GORASP1: variants seen among roughly 807,000 people sequenced by gnomAD.
GORASP1 encodes Golgi reassembly-stacking protein 1.
In GORASP1, 31 loss-of-function variants were observed where a neutral mutation model predicts 37.7. The ratio of observed to expected loss-of-function variants is 0.82; its 90% confidence interval spans 0.62 to 1.11. The LOEUF (loss-of-function observed/expected upper bound fraction) is 1.11, where lower values mean the gene tolerates loss of function less well. Among genes scored for constraint, GORASP1 ranks in the 50% least tolerant of loss-of-function variants. The pLI is 0.00. For missense variants in GORASP1, 476 were observed against 560.7 expected, an observed-to-expected ratio of 0.85 and a Z score of 1.53; for synonymous variants, 204 against 224.8, an observed-to-expected ratio of 0.91 and a Z score of 0.83.
chr3:39,101,136 A>T, intron 3 of GORASP1, 34 bp from the exon 4 acceptor site: 1 of 1,600,576 alleles, frequency 6.2e-7, no homozygotes, highest in Non-Finnish European at 8.6e-7. Flanking sequence ...TGGCCATGCT[A>T]CTAGAGGTGG....
At chr3:39,101,335 G>C (rs2035696093) in intron 3 of GORASP1, 1 of 605,482 alleles carries the variant, frequency 1.7e-6, no homozygotes, top group Non-Finnish European at 3.0e-6. Flanking sequence ...ACCAGGCTCT[G>C]GAATCTGACC....
Position 39,098,586 on chromosome 3 carries a change from AG to A in GORASP1, c.1070-98del. 1.3e-6 allele frequency: 2 copies of A among 1,514,400 alleles called. No homozygotes were observed. The highest frequency in any genetic ancestry group is 1.8e-6 in the Non-Finnish European group (2 of 1,121,432). 93.8% of individuals were successfully genotyped at this position (1,514,400 alleles called of 1,614,324 possible). A position where few individuals can be genotyped will look rare whatever the true frequency, so the allele number is the denominator to read the frequency against. On this transcript the variant is annotated intron_variant, in intron 8 of 8. Coordinates refer to ENST00000319283, the MANE Select transcript of GORASP1 (RefSeq NM_031899.4). This position sits in a 1 kb window ranked among gnomAD's most constrained non-coding sequence, Gnocchi z 4.7. The stretch of plus-strand genomic sequence containing the variant: ...ACCGACCGCTCCCCATTGCCACTCC[AG>A]GTTTGATGGGGGATTGGAGATGGAG...
chr3:39,104,555 G>A (rs1163068343), intron 1 of GORASP1, among the ~76,000 whole-genome samples: 2 of 152,224 alleles, frequency 1.3e-5, no homozygotes, highest in Non-Finnish European at 2.9e-5. Flanking sequence ...ACAGGACCTA[G>A]GCTCTTGCTG....
intron 6 of GORASP1, 30 bp from the exon 7 acceptor site, chr3:39,099,533 C>A (rs1182913813): frequency 6.3e-7 from 1 of 1,598,276 alleles, no homozygotes. Context: ...GGGTAGGGGA[C>A]AATCAGGACA....
At chr3:39,099,100 G>T in intron 7 of GORASP1, 1 of 794,136 alleles carries the variant, frequency 1.3e-6, no homozygotes, top group Non-Finnish European at 2.1e-6. Context: ...TGGTCATCAT[G>T]TGAATAGCAC....
In GORASP1 at chr3:39,099,350, T is replaced by A; in HGVS notation, c.916+3A>T. 2 of 1,612,712 alleles carry A rather than the reference T, an allele frequency of 1.2e-6. No individual in the cohort carries two copies. Among genetic ancestry groups the A allele is most frequent in the Non-Finnish European group, 1.7e-6 (2 of 1,179,394 alleles). ...CCACTCCTCTCCAGGGCCTGCCCAG[T>A]ACCTGGGTCCATAACTCGCTGCACT... On this transcript the variant is annotated splice_donor_region_variant and intron_variant, in intron 7 of 8. Coordinates refer to ENST00000319283, the MANE Select transcript of GORASP1 (RefSeq NM_031899.4).
chr3:39,101,651 C>T, intron 3 of GORASP1: 1 of 442,632 alleles, frequency 2.3e-6, no homozygotes, highest in Non-Finnish European at 4.6e-6. Context: ...TCCACCACTC[C>T]CAATCTCCCA....
rs2035379706 is a variant in GORASP1, at chr3:39,096,948, A to G, written c.*1288T>C. 1.3e-5 allele frequency: 2 copies of G among 152,424 alleles called. No individual in the cohort carries two copies. The highest frequency in any genetic ancestry group is 3.9e-4 in the East Asian group (2 of 5,176). 9.4% of individuals were successfully genotyped at this position (152,424 alleles called of 1,614,324 possible). ...TCTGTTCTACTTCCTGCATTCCAGCAGACTTGACACTGGGCTCCCAGACGA... is the reference window on the plus strand; with the variant it reads ...TCTGTTCTACTTCCTGCATTCCAGCGGACTTGACACTGGGCTCCCAGACGA... On this transcript the variant is annotated 3_prime_UTR_variant, in exon 9 of 9. Coordinates refer to ENST00000319283, the MANE Select transcript of GORASP1 (RefSeq NM_031899.4).
In GORASP1 at chr3:39,100,165, G is replaced by T; in HGVS notation, c.765+140C>A. On this transcript the variant is annotated intron_variant, in intron 6 of 8. Coordinates refer to ENST00000319283, the MANE Select transcript of GORASP1 (RefSeq NM_031899.4). This position sits in a 1 kb window ranked among gnomAD's most constrained non-coding sequence, Gnocchi z 4.6. Reference sequence around the variant, plus strand: ...AAGTGAGTTTCACTGCTCCAGGCATGGCCTGCCTGCTCCCACTGGGTCCCA... The same window carrying T: ...AAGTGAGTTTCACTGCTCCAGGCATTGCCTGCCTGCTCCCACTGGGTCCCA... 1 of 788,394 alleles carries T rather than the reference G, an allele frequency of 1.3e-6. No homozygotes were observed. Among genetic ancestry groups the T allele is most frequent in the Non-Finnish European group, 2.2e-6 (1 of 463,414 alleles). 48.8% of individuals were successfully genotyped at this position (788,394 alleles called of 1,614,324 possible).
Position 39,099,442 on chromosome 3 carries a change from C to T in GORASP1, c.827G>A (p.Ser276Asn), listed in dbSNP as rs1237508795. Residue 276 changes from serine (S) to asparagine (N), a missense_variant, in exon 7 of 9, where the codon AGC (serine) becomes AAC (asparagine). Coordinates refer to ENST00000319283, the MANE Select transcript of GORASP1 (RefSeq NM_031899.4). The part of the protein sequence containing the change: ...EDPLPGPGSP[S>N]HSAPDPDGLP... ...TCCATCAGGGTCTGGAGCACTGTGG[C>T]TGGGACTCCCAGGCCCAGGAAGGGG... is the stretch of plus-strand genomic sequence containing the variant. 2.5e-6 allele frequency: 4 copies of T among 1,611,924 alleles called. No homozygotes were observed. In the South Asian group the frequency reaches 4.4e-5, roughly 18 times the overall value.
rs1015342612 is a variant in GORASP1, at chr3:39,102,946, C to A, written c.145-65G>T. ...CCCAGGCTAGGACCCTCAGACAAGT[C>A]TGGGCCTGAGATGGGGCAAGGGCCT... On this transcript the variant is annotated intron_variant, in intron 2 of 8. Coordinates refer to ENST00000319283, the MANE Select transcript of GORASP1 (RefSeq NM_031899.4). This position sits in a 1 kb window ranked among gnomAD's most constrained non-coding sequence, Gnocchi z 5.0. 3 of 1,505,394 alleles carry A rather than the reference C, an allele frequency of 2.0e-6. No individual in the cohort carries two copies. Among genetic ancestry groups the A allele is most frequent in the African/African-American group, 2.7e-5 (2 of 72,858 alleles). The allele number at this position is 1,505,394 out of a possible 1,614,324, so 93.3% of individuals were successfully genotyped here.
Position 39,097,294 on chromosome 3 carries a change from G to A in GORASP1, c.*942C>T, listed in dbSNP as rs1320856784. 6.6e-6 allele frequency: 1 copy of A among 151,400 alleles called. No individual in the cohort carries two copies. The highest frequency in any genetic ancestry group is 2.5e-5 in the African/African-American group (1 of 40,578). 9.4% of individuals were successfully genotyped at this position (151,400 alleles called of 1,614,324 possible). ...CAGTCAACACAGCAGAGGACTTCAG[G>A]TGATGAGGGGCCGTCCCCAGGTGGA... On this transcript the variant is annotated 3_prime_UTR_variant, in exon 9 of 9. Transcript: ENST00000319283.
At position 39,098,746 on chromosome 3, in the gene GORASP1, C is replaced by G. The variant is rs139163342; in HGVS notation, c.1064G>C (p.Arg355Pro). Residue 355 changes from arginine to proline, a missense_variant, in exon 8 of 9, where the codon CGG (arginine) becomes CCG (proline). Physicochemically the swap from Arg to Pro is moderately radical, Grantham distance 103 (BLOSUM62 -2). Coordinates refer to ENST00000319283, the MANE Select transcript of GORASP1 (RefSeq NM_031899.4). This position sits in a 1 kb window ranked among gnomAD's most constrained non-coding sequence, Gnocchi z 4.7. ...GGAAGGTGATGGCCACTCACCACCC[C>G]GCTCATGAGAACTGCTGCTGGAGCA... ...DICSSSSSHE[R>P]GGEATWSGSE... 2 of 1,613,798 alleles carry G rather than the reference C, an allele frequency of 1.2e-6. No individual in the cohort carries two copies. Among genetic ancestry groups the G allele is most frequent in the Admixed American group, 1.7e-5 (1 of 60,002 alleles).
Position 39,098,668 on chromosome 3 carries a change from G to A in GORASP1, c.1069+73C>T. On this transcript the variant is annotated intron_variant, in intron 8 of 8. Coordinates refer to ENST00000319283, the MANE Select transcript of GORASP1 (RefSeq NM_031899.4). The surrounding 1 kb of genome is among the most constrained non-coding windows in gnomAD (Gnocchi z 4.7). ...CCCGATGGCCCACTTCTGCCCAGCT[G>A]AGGAATTGAGGGCAGCCTTCCCAAC... 1.3e-6 allele frequency: 2 copies of A among 1,565,440 alleles called. No homozygotes were observed. The highest frequency in any genetic ancestry group is 1.7e-5 in the Admixed American group (1 of 57,158).
At position 39,098,289 on chromosome 3, in the gene GORASP1, C is replaced by T. The variant is rs949665406; in HGVS notation, c.1270G>A (p.Gly424Arg). The T allele has an allele frequency of 6.2e-7, 1 of 1,614,200 alleles. No homozygotes were observed. Among genetic ancestry groups the T allele is most frequent in the Non-Finnish European group, 8.5e-7 (1 of 1,180,022 alleles). Residue 424 changes from glycine to arginine, a missense_variant, in exon 9 of 9, where the codon GGG (glycine) becomes AGG (arginine). Gly to Arg is a moderately radical substitution (Grantham distance 125). Coordinates refer to ENST00000319283, the MANE Select transcript of GORASP1 (RefSeq NM_031899.4). This position sits in a 1 kb window ranked among gnomAD's most constrained non-coding sequence, Gnocchi z 4.7. Reference protein sequence around the residue: ...EPASTEGLDTGTEAEGLDSQA... With the variant: ...EPASTEGLDTRTEAEGLDSQA... ...CTGTCCAGCCCCTCAGCCTCCGTCC[C>T]AGTATCTAGGCCCTCTGTGCTTGCT...
At position 39,100,364 on chromosome 3, in the gene GORASP1, G is replaced by A. The variant is rs200973288; in HGVS notation, c.706C>T (p.Pro236Ser). ...APPPDALPPG[P>S]TPEDSPSLET... ...AGGGAAGGAGAGTCCTCGGGGGTGG[G>A]TCCAGGTGGTAGAGCATCAGGTGGT... is the stretch of plus-strand genomic sequence containing the variant. The change falls in exon 6 of 9, where the codon CCC becomes TCC. Residue 236 changes from proline to serine, a missense_variant. Pro to Ser is a moderately conservative substitution (Grantham distance 74). Transcript: ENST00000319283. The surrounding 1 kb of genome is among the most constrained non-coding windows in gnomAD (Gnocchi z 4.6). The A allele has an allele frequency of 1.2e-6, 2 of 1,614,164 alleles. No homozygotes were observed. Among genetic ancestry groups the A allele is most frequent in the African/African-American group, 2.7e-5 (2 of 75,046 alleles).
Position 39,100,213 on chromosome 3 carries a change from C to A in GORASP1, c.765+92G>T. On this transcript the variant is annotated intron_variant, in intron 6 of 8. Transcript: ENST00000319283. The surrounding 1 kb of genome is among the most constrained non-coding windows in gnomAD (Gnocchi z 4.6). ...CCAGAAGTACATGGGCCTCTCAGAT[C>A]ACAAAGGCCCCTGGTGAGGGTTGCT... 8.7e-7 allele frequency: 1 copy of A among 1,149,226 alleles called. No individual in the cohort carries two copies. Among genetic ancestry groups the A allele is most frequent in the South Asian group, 1.3e-5 (1 of 78,922 alleles). The allele number at this position is 1,149,226 out of a possible 1,614,324, so 71.2% of individuals were successfully genotyped here. A position where few individuals can be genotyped will look rare whatever the true frequency, so the allele number is the denominator to read the frequency against.
At chr3:39,101,825 C>T (rs2035738762) in intron 3 of GORASP1, among the ~76,000 whole-genome samples, 1 of 152,154 alleles carries the variant, frequency 6.6e-6, no homozygotes, top group Non-Finnish European at 1.5e-5. Context: ...TAGTTCAGAG[C>T]ACCCTCCTTC....
chr3:39,100,861 G>A lies in GORASP1; in HGVS notation c.452C>T (p.Thr151Met), dbSNP rs142236899. The A allele has an allele frequency of 1.5e-5, 24 of 1,614,054 alleles. No individual in the cohort carries two copies. Among genetic ancestry groups the A allele is most frequent in the East Asian group, 6.7e-5 (3 of 44,892 alleles). Residue 151 changes from threonine to methionine, a missense_variant, in exon 5 of 9, where the codon ACG becomes ATG. By Grantham distance (81) the Thr-to-Met change is moderately conservative. Transcript: ENST00000319283. The surrounding 1 kb of genome is among the most constrained non-coding windows in gnomAD (Gnocchi z 4.6). ...QILQESEDFF[T>M]LIESHEGKPL... Reference sequence around the variant, plus strand: ...CTTCCCCTCATGAGACTCGATGAGCGTAAAGAAGTCCTCGGACTGTGAGAA... The same window carrying A: ...CTTCCCCTCATGAGACTCGATGAGCATAAAGAAGTCCTCGGACTGTGAGAA...
Sources: allele counts gnomAD v4.1 joint callset (sites outside exome capture counted in the v4.1 genomes callset), GRCh38; gene constraint gnomAD v4.1.1; non-coding constraint Gnocchi (gnomAD v3.1); transcripts MANE v1.5; gene names NCBI Gene and HGNC (gene_info 2026-07-23, HGNC 2026-07-21).